Variants in PPP2R5E observed in about 807,000 individuals in gnomAD.
PPP2R5E encodes serine/threonine-protein phosphatase 2A 56 kDa regulatory subunit epsilon isoform.
PPP2R5E carries 4 observed loss-of-function variants against 65.3 expected under a neutral mutation model. The observed-to-expected ratio is 0.06, with a 90% confidence interval of 0.03 to 0.14. The LOEUF (loss-of-function observed/expected upper bound fraction) is 0.14, where lower values mean the gene tolerates loss of function less well. Among genes scored for constraint, PPP2R5E ranks in the 10% least tolerant of loss-of-function variants. The pLI, the probability that PPP2R5E is intolerant of heterozygous loss-of-function variation, is 1.00. For missense variants in PPP2R5E, 274 were observed against 556.1 expected (o/e 0.49, Z 5.10); for synonymous variants, 183 against 187.4 (o/e 0.98, Z 0.19).
chr14:63,506,308 G>A (rs1397979049), intron 2 of PPP2R5E, among the ~76,000 whole-genome samples: 7 of 151,972 alleles, frequency 4.6e-5, no homozygotes, highest in Non-Finnish European at 7.4e-5. Context: ...AAAATTAGCC[G>A]GGCATGGTGG....
At chr14:63,420,065 T>C (rs547947233) in intron 4 of PPP2R5E, among the ~76,000 whole-genome samples, 2 of 152,326 alleles carry the variant, frequency 1.3e-5, no homozygotes, top group East Asian at 3.9e-4. Context: ...AAGTTTATTG[T>C]ACTTTAGGGG....
chr14:63,531,992 A>G (rs572815219), intron 2 of PPP2R5E, among the ~76,000 whole-genome samples: 1 of 152,266 alleles, frequency 6.6e-6, no homozygotes, highest in Admixed American at 6.5e-5. Context: ...ATGCCTGAAG[A>G]ACACACATCA....
chr14:63,486,536 A>T (rs1183793757), intron 2 of PPP2R5E, among the ~76,000 whole-genome samples: 2 of 151,918 alleles, frequency 1.3e-5, no homozygotes, highest in African/African-American at 4.8e-5. Context: ...TACACACTAG[A>T]TACAAAATCC....
chr14:63,421,232 G>A (rs1248558633), intron 4 of PPP2R5E, among the ~76,000 whole-genome samples: 1 of 152,094 alleles, frequency 6.6e-6, no homozygotes, highest in Non-Finnish European at 1.5e-5. Context: ...TGACTCAATG[G>A]AAGGGTGACT....
chr14:63,514,368 C>T (rs1303515973), intron 2 of PPP2R5E, among the ~76,000 whole-genome samples: 1 of 152,164 alleles, frequency 6.6e-6, no homozygotes, highest in Non-Finnish European at 1.5e-5. Context: ...ACCTTTGATA[C>T]TCATGGGTCT....
intron 5 of PPP2R5E, among the ~76,000 whole-genome samples, chr14:63,408,101 A>G (rs1886189652): frequency 6.6e-6 from 1 of 152,220 alleles, no homozygotes; most frequent in Non-Finnish European, 1.5e-5. Context: ...TGTTTCACCT[A>G]AAATAGATCA....
chr14:63,474,346 G>C (rs1482492893), intron 2 of PPP2R5E, among the ~76,000 whole-genome samples: 1 of 152,160 alleles, frequency 6.6e-6, no homozygotes, highest in Non-Finnish European at 1.5e-5. Flanking sequence ...TTGAGCACCT[G>C]GGTGAACAGA....
intron 13 of PPP2R5E, among the ~76,000 whole-genome samples, chr14:63,379,064 T>C (rs1192138886): frequency 6.6e-6 from 1 of 151,998 alleles, no homozygotes; most frequent in African/African-American, 2.4e-5. Context: ...AGTCTCGCTC[T>C]GTCGCCCAGG....
chr14:63,473,485 A>C (rs1890233904), intron 2 of PPP2R5E, among the ~76,000 whole-genome samples: 1 of 152,212 alleles, frequency 6.6e-6, no homozygotes, highest in Non-Finnish European at 1.5e-5. Context: ...AAGATGATGA[A>C]GTGCCCGCAA....
At chr14:63,417,893 T>C (rs1194791458) in intron 4 of PPP2R5E, among the ~76,000 whole-genome samples, 2 of 152,196 alleles carry the variant, frequency 1.3e-5, no homozygotes, top group African/African-American at 4.8e-5. Context: ...AAAGGTAGTT[T>C]TGACCTTGCA....
chr14:63,456,648 C>T (rs373576107), intron 2 of PPP2R5E, among the ~76,000 whole-genome samples: 1 of 152,160 alleles, frequency 6.6e-6, no homozygotes, highest in African/African-American at 2.4e-5. Context: ...CATAGTCACA[C>T]AGTTAATAAG....
At chr14:63,501,262 G>A (rs143614691) in intron 2 of PPP2R5E, among the ~76,000 whole-genome samples, 8 of 151,982 alleles carry the variant, frequency 5.3e-5, no homozygotes, top group Admixed American at 4.6e-4. Context: ...AAAATTAGCC[G>A]GGCGTGGTGG....
At chr14:63,537,804 C>T (rs1893731451) in intron 2 of PPP2R5E, among the ~76,000 whole-genome samples, 1 of 152,194 alleles carries the variant, frequency 6.6e-6, no homozygotes. Flanking sequence ...TATCCCCTTT[C>T]TCCCATTCTT....
intron 2 of PPP2R5E, among the ~76,000 whole-genome samples, chr14:63,485,195 TTA>T (rs1491477006): frequency 7.0e-6 from 1 of 143,704 alleles, no homozygotes; most frequent in Non-Finnish European, 1.5e-5. Flanking sequence ...CTATACTCAT[TTA>T]AAAAAAAAAA....
chr14:63,519,981 C>T (rs1892829909), intron 2 of PPP2R5E, among the ~76,000 whole-genome samples: 1 of 150,584 alleles, frequency 6.6e-6, no homozygotes, highest in South Asian at 2.1e-4. Flanking sequence ...ACTCTTAATT[C>T]AGTCTTGAGG....
intron 12 of PPP2R5E, among the ~76,000 whole-genome samples, chr14:63,383,054 G>T (rs1430837993): frequency 6.6e-6 from 1 of 152,004 alleles, no homozygotes; most frequent in Non-Finnish European, 1.5e-5. Flanking sequence ...AATATATGCT[G>T]ATAACTGGCA....
At chr14:63,521,020 C>T (rs1892886814) in intron 2 of PPP2R5E, among the ~76,000 whole-genome samples, 1 of 151,544 alleles carries the variant, frequency 6.6e-6, no homozygotes, top group African/African-American at 2.4e-5. Context: ...GCCTGGGCAA[C>T]AGAGTGAGAC....
At chr14:63,488,531 G>T (rs144210846) in intron 2 of PPP2R5E, among the ~76,000 whole-genome samples, 1 of 151,966 alleles carries the variant, frequency 6.6e-6, no homozygotes, top group African/African-American at 2.4e-5. Flanking sequence ...GAATCCCCTA[G>T]ACTCTATAAT....
intron 12 of PPP2R5E, 27 bp downstream of exon 12, chr14:63,384,417 A>G: frequency 6.2e-7 from 1 of 1,601,976 alleles, no homozygotes; most frequent in Non-Finnish European, 8.5e-7. Flanking sequence ...GGAGGAAGAG[A>G]ACGGAGGAAA....
Sources: gnomAD v4.1 joint callset for allele counts (sites outside exome capture counted in the v4.1 genomes callset) on GRCh38, gnomAD v4.1.1 for gene constraint, MANE v1.5 for transcripts, NCBI Gene and HGNC (gene_info 2026-07-23, HGNC 2026-07-21) for gene names.